Variants in CELSR3 observed in about 807,000 individuals in gnomAD.
CELSR3 encodes the protein EGF-like protein 1.
In CELSR3, 73 loss-of-function variants were observed where a neutral mutation model predicts 270.0. The ratio of observed to expected loss-of-function variants is 0.27; its 90% confidence interval spans 0.22 to 0.33. The LOEUF is 0.33. CELSR3 is among the 10% of genes least tolerant of loss of function. CELSR3 has a pLI of 1.00. For missense variants in CELSR3, 3,614 were observed against 4,533.8 expected, an observed-to-expected ratio of 0.80 and a Z score of 5.83; for synonymous variants, 1,780 against 1,905.4, an observed-to-expected ratio of 0.93 and a Z score of 1.71.
Position 48,660,100 on chromosome 3 carries a change from G to A in CELSR3, c.2535C>T (p.His845=). 6.2e-7 allele frequency: 1 copy of A among 1,614,202 alleles called. No individual in the cohort carries two copies. The highest frequency in any genetic ancestry group is 8.5e-7 in the Non-Finnish European group (1 of 1,180,038). ...DRALHDHCYV[H]INITDANTHR... Reference sequence around the variant, plus strand: ...GAGTGTTGGCATCTGTGATGTTGATGTGCACATAGCAGTGATCATGAAGGG... The same window carrying A: ...GAGTGTTGGCATCTGTGATGTTGATATGCACATAGCAGTGATCATGAAGGG... Residue 845 remains histidine, a synonymous_variant, in exon 1 of 35, where the codon CAC becomes CAT. Transcript: ENST00000164024. This position sits in a 1 kb window ranked among gnomAD's most constrained non-coding sequence, Gnocchi z 5.5.
chr3:48,645,293 C>A lies in CELSR3; in HGVS notation c.7798-84G>T. The A allele has an allele frequency of 2.0e-6, 3 of 1,533,988 alleles. No individual in the cohort carries two copies. Among genetic ancestry groups the A allele is most frequent in the Non-Finnish European group, 2.7e-6 (3 of 1,129,568 alleles). On this transcript the variant is annotated intron_variant, in intron 24 of 34. Coordinates refer to ENST00000164024, the MANE Select transcript of CELSR3 (RefSeq NM_001407.3). The surrounding 1 kb of genome is among the most constrained non-coding windows in gnomAD (Gnocchi z 5.4). Reference sequence around the variant, plus strand: ...CCAGGCATCTGCTTCCCACCTCTCACCCCTAAACCACAATATCTTACCCCA... The same window carrying A: ...CCAGGCATCTGCTTCCCACCTCTCAACCCTAAACCACAATATCTTACCCCA...
Position 48,640,873 on chromosome 3 carries a change from G to T in CELSR3, c.9026-314C>A, listed in dbSNP as rs2047019870. Reference sequence around the variant, plus strand: ...CAGCCCTCAGGTCCTGACAATGCAGGCCTGGCTGAAATGCAGGAACCCCCC... The same window carrying T: ...CAGCCCTCAGGTCCTGACAATGCAGTCCTGGCTGAAATGCAGGAACCCCCC... On this transcript the variant is annotated intron_variant, in intron 33 of 34. Transcript: ENST00000164024. The surrounding 1 kb of genome is among the most constrained non-coding windows in gnomAD (Gnocchi z 7.5). 4 of 468,786 alleles carry T rather than the reference G, an allele frequency of 8.5e-6. No homozygotes were observed. In the Admixed American group the frequency reaches 1.6e-4, roughly 18 times the overall value. The allele number at this position is 468,786 out of a possible 1,614,324, so 29.0% of individuals were successfully genotyped here. A position where few individuals can be genotyped will look rare whatever the true frequency, so the allele number is the denominator to read the frequency against.
In CELSR3 at chr3:48,655,855, G is replaced by T; in HGVS notation, c.4626-4C>A. 1 of 1,554,908 alleles carries T rather than the reference G, an allele frequency of 6.4e-7. No homozygotes were observed. Among genetic ancestry groups the T allele is most frequent in the Non-Finnish European group, 8.9e-7 (1 of 1,128,694 alleles). On this transcript the variant is annotated splice_region_variant and splice_polypyrimidine_tract_variant and intron_variant, in intron 3 of 34. Transcript: ENST00000164024. The surrounding 1 kb of genome is among the most constrained non-coding windows in gnomAD (Gnocchi z 5.8). ...GCTCTGCTGCACTGTCGCGAACCTG[G>T]GCGGGGTGGGAGGGGGTTGCGGGGG...
rs2047064666 is a variant in CELSR3, at chr3:48,644,861, G to A, written c.7973-33C>T. On this transcript the variant is annotated intron_variant, in intron 25 of 34. Transcript: ENST00000164024. This position sits in a 1 kb window ranked among gnomAD's most constrained non-coding sequence, Gnocchi z 4.8. ...AGAGAAAGGGTAGGACTGAGGGTGTGTGTTCCAGAGCTGCTGACCAGCCCA... is the reference window on the plus strand; with the variant it reads ...AGAGAAAGGGTAGGACTGAGGGTGTATGTTCCAGAGCTGCTGACCAGCCCA... 1 of 1,589,242 alleles carries A rather than the reference G, an allele frequency of 6.3e-7. No individual in the cohort carries two copies.
chr3:48,650,433 A>AGGGGGGGGGGGGGGGGGGG lies in CELSR3; in HGVS notation c.6472+46_6472+47insCCCCCCCCCCCCCCCCCCC. On this transcript the variant is annotated intron_variant, in intron 16 of 34. Transcript: ENST00000164024. This position sits in a 1 kb window ranked among gnomAD's most constrained non-coding sequence, Gnocchi z 5.1. ...GACATGGCTCTAGCAGTCAGAGTAC[A>AGGGGGGGGGGGGGGGGGGG]GGCCCACCCCCACCCTCAGTGATGT... 2 of 927,816 alleles carry AGGGGGGGGGGGGGGGGGGG rather than the reference A, an allele frequency of 2.2e-6. No homozygotes were observed. Among genetic ancestry groups the AGGGGGGGGGGGGGGGGGGG allele is most frequent in the Non-Finnish European group, 1.7e-6 (1 of 598,394 alleles). 57.5% of individuals were successfully genotyped at this position (927,816 alleles called of 1,614,324 possible).
rs1243216782 is a variant in CELSR3 at position 48,658,358 on chromosome 3, G to A, written c.3748+529C>T. ...AGCAGATGGGGCAGGAAAGAGGCAA[G>A]TGGACCTCTGGACATTTTCCCAAAG... On this transcript the variant is annotated intron_variant, in intron 1 of 34. Coordinates refer to ENST00000164024, the MANE Select transcript of CELSR3 (RefSeq NM_001407.3). This position sits in a 1 kb window ranked among gnomAD's most constrained non-coding sequence, Gnocchi z 4.7. Among the ~76,000 whole-genome samples, 9 of 152,236 alleles carry A rather than the reference G, an allele frequency of 5.9e-5. No homozygotes were observed. The highest frequency in any genetic ancestry group is 8.8e-5 in the Non-Finnish European group (6 of 68,042).
intron 19 of CELSR3, 130 bp from the exon 20 acceptor site, chr3:48,648,126 TC>T (rs980919324): frequency 2.1e-6 from 3 of 1,440,472 alleles, no homozygotes; most frequent in Admixed American, 1.9e-5. Flanking sequence ...TCGGAGCCTG[TC>T]CCTACAAAAC....
chr3:48,643,389 G>A (rs1362326386), intron 28 of CELSR3, 165 bp downstream of exon 28: 2 of 965,744 alleles, frequency 2.1e-6, no homozygotes, highest in Non-Finnish European at 3.0e-6. Flanking sequence ...CTCCAGGCCT[G>A]GGGGCAGCAG....
In CELSR3 at chr3:48,639,969, G is replaced by C; in HGVS notation, c.9616C>G (p.Gln3206Glu). 1 of 1,612,824 alleles carries C rather than the reference G, an allele frequency of 6.2e-7. No homozygotes were observed. The highest frequency in any genetic ancestry group is 8.5e-7 in the Non-Finnish European group (1 of 1,180,006). The change falls in exon 34 of 35, where the codon CAG (glutamine) becomes GAG (glutamate). Residue 3206 changes from glutamine (Q) to glutamate (E), a missense_variant. Around this residue, in one of 7 missense-constraint regions of CELSR3, gnomAD observed 1,240 missense variants for 1,351.7 expected, o/e 0.92. Transcript: ENST00000164024. The surrounding 1 kb of genome is among the most constrained non-coding windows in gnomAD (Gnocchi z 4.1). ...CGTGAGGGGTGCCGGCTAGGCACCTGGTCCAGCTGCTCCCGAGAGTTCGAG... is the reference window on the plus strand; with the variant it reads ...CGTGAGGGGTGCCGGCTAGGCACCTCGTCCAGCTGCTCCCGAGAGTTCGAG... Reference protein sequence around the residue: ...RSSNSREQLDQVPSRHPSREA... With the variant: ...RSSNSREQLDEVPSRHPSREA...
At position 48,662,609 on chromosome 3, in the gene CELSR3, C is replaced by T; in HGVS notation, c.26G>A (p.Arg9Gln). 2 of 1,450,130 alleles carry T rather than the reference C, an allele frequency of 1.4e-6. No individual in the cohort carries two copies. The highest frequency in any genetic ancestry group is 1.4e-5 in the African/African-American group (1 of 69,936). The allele number at this position is 1,450,130 out of a possible 1,614,324, so 89.8% of individuals were successfully genotyped here. A position where few individuals can be genotyped will look rare whatever the true frequency, so the allele number is the denominator to read the frequency against. Residue 9 changes from arginine (R) to glutamine (Q), a missense_variant, in exon 1 of 35, where the codon CGG (arginine) becomes CAG (glutamine). By Grantham distance (43) the Arg-to-Gln change is conservative (BLOSUM62 1). This residue lies in a region of CELSR3 where 470 missense variants were observed against 469.7 expected (regional missense o/e 1.00). Coordinates refer to ENST00000164024, the MANE Select transcript of CELSR3 (RefSeq NM_001407.3). This position sits in a 1 kb window ranked among gnomAD's most constrained non-coding sequence, Gnocchi z 7.1. ...GGGGGTCGACCGTCCCCCGAGGCCC[C>T]GCCACGGCGGCCGCCTCGCCATCAT... MMARRPPWRGLGGRSTPIL... is the reference protein window; with the variant it reads MMARRPPWQGLGGRSTPIL...
rs141398800 is a variant in CELSR3 at position 48,651,415 on chromosome 3, C to T, written c.6130G>A (p.Val2044Ile). 2.9e-5 allele frequency: 46 copies of T among 1,613,944 alleles called. No homozygotes were observed. Among genetic ancestry groups the T allele is most frequent in the Non-Finnish European group, 3.7e-5 (44 of 1,179,964 alleles). Reference protein sequence around the residue: ...SPTCGPCNCDVHKGFDPNCNK... With the variant: ...SPTCGPCNCDIHKGFDPNCNK... ...CAGTTGGGATCAAAACCTTTGTGAA[C>T]ATCACAGTTGCAGGGGCCACAGGTT... Residue 2044 changes from valine (V) to isoleucine (I), a missense_variant, in exon 14 of 35, where the codon GTT (valine) becomes ATT (isoleucine). Val to Ile is a conservative substitution (Grantham distance 29). Around this residue, in one of 7 missense-constraint regions of CELSR3, gnomAD observed 1,331 missense variants for 1,933.7 expected, o/e 0.69. Coordinates refer to ENST00000164024, the MANE Select transcript of CELSR3 (RefSeq NM_001407.3). This position sits in a 1 kb window ranked among gnomAD's most constrained non-coding sequence, Gnocchi z 7.4.
chr3:48,649,068 AC>A (rs1236340533), intron 17 of CELSR3, 52 bp downstream of exon 17: 1 of 1,566,956 alleles, frequency 6.4e-7, no homozygotes, highest in Non-Finnish European at 8.7e-7. Flanking sequence ...TCTGGGGCCC[AC>A]CACAGGCCAA....
rs1337040196 is a variant in CELSR3, at chr3:48,642,730, T to G, written c.8555+6A>C. On this transcript the variant is annotated splice_donor_region_variant and intron_variant, in intron 30 of 34. Transcript: ENST00000164024. This position sits in a 1 kb window ranked among gnomAD's most constrained non-coding sequence, Gnocchi z 6.1. ...TGTTCCCTCACAAGGAGGCTCTTCC[T>G]CTCACCTGAGGTAGCTGCGGCCCCG... The G allele has an allele frequency of 6.2e-7, 1 of 1,608,230 alleles. No homozygotes were observed. The highest frequency in any genetic ancestry group is 8.5e-7 in the Non-Finnish European group (1 of 1,179,282).
Position 48,642,996 on chromosome 3 carries a change from G to T in CELSR3, c.8377C>A (p.Pro2793Thr). The change falls in exon 29 of 35, where the codon CCT becomes ACT. Residue 2793 changes from proline to threonine, a missense_variant. By Grantham distance (38) the Pro-to-Thr change is conservative. Around this residue, in one of 7 missense-constraint regions of CELSR3, gnomAD observed 1,240 missense variants for 1,351.7 expected, o/e 0.92. Transcript: ENST00000164024. The surrounding 1 kb of genome is among the most constrained non-coding windows in gnomAD (Gnocchi z 6.1). Reference sequence around the variant, plus strand: ...CCAGGTGCTGGCCTTGCCTCCTCAGGCGCTGCCTTCCTGCCCAGACAGGCT... The same window carrying T: ...CCAGGTGCTGGCCTTGCCTCCTCAGTCGCTGCCTTCCTGCCCAGACAGGCT... ...MPACLGRKAA[P>T]EEARPAPGLG... 1 of 1,612,722 alleles carries T rather than the reference G, an allele frequency of 6.2e-7. No homozygotes were observed. The highest frequency in any genetic ancestry group is 8.5e-7 in the Non-Finnish European group (1 of 1,179,842).
At position 48,644,843 on chromosome 3, in the gene CELSR3, G is replaced by C; in HGVS notation, c.7973-15C>G. Reference sequence around the variant, plus strand: ...CACAGCAAGGCCTTGGGAAGAGAAAGGGTAGGACTGAGGGTGTGTGTTCCA... The same window carrying C: ...CACAGCAAGGCCTTGGGAAGAGAAACGGTAGGACTGAGGGTGTGTGTTCCA... On this transcript the variant is annotated splice_polypyrimidine_tract_variant and intron_variant, in intron 25 of 34. Coordinates refer to ENST00000164024, the MANE Select transcript of CELSR3 (RefSeq NM_001407.3). The surrounding 1 kb of genome is among the most constrained non-coding windows in gnomAD (Gnocchi z 4.8). 6.2e-7 allele frequency: 1 copy of C among 1,606,480 alleles called. No individual in the cohort carries two copies.
chr3:48,639,331 GC>G lies in CELSR3; in HGVS notation c.9911+342del, dbSNP rs1323387706. Among the ~76,000 whole-genome samples the G allele has an allele frequency of 6.6e-6, 1 of 152,102 alleles. No individual in the cohort carries two copies. Among genetic ancestry groups the G allele is most frequent in the Admixed American group, 6.5e-5 (1 of 15,274 alleles). On this transcript the variant is annotated intron_variant, in intron 34 of 34. Transcript: ENST00000164024. This position sits in a 1 kb window ranked among gnomAD's most constrained non-coding sequence, Gnocchi z 4.1. ...AGCAAGGCCTCCTGCTCTCCTCCCT[GC>G]CCCTTGCATATTCCAGGTCATCTCC...
rs1007781821 is a variant in CELSR3, at chr3:48,640,773, T to G, written c.9026-214A>C. 8.7e-4 allele frequency: 214 copies of G among 246,920 alleles called. No homozygotes were observed. The highest frequency in any genetic ancestry group is 2.5e-3 in the East Asian group (22 of 8,918). 15.3% of individuals were successfully genotyped at this position (246,920 alleles called of 1,614,324 possible). ...AAGGGCAGTCATCTTCCAGTTGTGG[T>G]CCCGGGGCAGGGGGAGGGCGGGCAG... is the stretch of plus-strand genomic sequence containing the variant. On this transcript the variant is annotated intron_variant, in intron 33 of 34. Transcript: ENST00000164024. The surrounding 1 kb of genome is among the most constrained non-coding windows in gnomAD (Gnocchi z 7.5).
chr3:48,640,877 G>A lies in CELSR3; in HGVS notation c.9026-318C>T, dbSNP rs2047019950. On this transcript the variant is annotated intron_variant, in intron 33 of 34. Coordinates refer to ENST00000164024, the MANE Select transcript of CELSR3 (RefSeq NM_001407.3). This position sits in a 1 kb window ranked among gnomAD's most constrained non-coding sequence, Gnocchi z 7.5. ...CCTCAGGTCCTGACAATGCAGGCCT[G>A]GCTGAAATGCAGGAACCCCCCGGGT... The A allele has an allele frequency of 2.2e-6, 1 of 461,724 alleles. No homozygotes were observed. Among genetic ancestry groups the A allele is most frequent in the Admixed American group, 3.9e-5 (1 of 25,440 alleles). The allele number at this position is 461,724 out of a possible 1,614,324, so 28.6% of individuals were successfully genotyped here.
Position 48,653,720 on chromosome 3 carries a change from C to A in CELSR3, c.5347G>T (p.Val1783Leu), listed in dbSNP as rs146031238. 3.7e-6 allele frequency: 6 copies of A among 1,614,216 alleles called. No individual in the cohort carries two copies. In the Admixed American group the frequency reaches 1.0e-4, roughly 27 times the overall value. Reference sequence around the variant, plus strand: ...AGCCCCAGGTACCATGGCACAGACACAGCCATGTCACTTCCAAAGTTCCAG... The same window carrying A: ...AGCCCCAGGTACCATGGCACAGACAAAGCCATGTCACTTCCAAAGTTCCAG... ...LSWNFGSDMA[V>L]SVPWYLGLAF... The change falls in exon 9 of 35, where the codon GTG (valine) becomes TTG (leucine). Residue 1783 changes from valine (V) to leucine (L), a missense_variant. By Grantham distance (32) the Val-to-Leu change is conservative. This residue lies in a region of CELSR3 where 1,331 missense variants were observed against 1,933.7 expected (regional missense o/e 0.69). Transcript: ENST00000164024. This position sits in a 1 kb window ranked among gnomAD's most constrained non-coding sequence, Gnocchi z 6.5.
Sources: allele counts gnomAD v4.1 joint callset (sites outside exome capture counted in the v4.1 genomes callset), GRCh38; gene constraint gnomAD v4.1.1; regional missense constraint gnomAD v4.1.1; non-coding constraint Gnocchi (gnomAD v3.1); transcripts MANE v1.5; gene names NCBI Gene and HGNC (gene_info 2026-07-23, HGNC 2026-07-21).